Variants in HS6ST3 observed in about 807,000 individuals in gnomAD.
The protein encoded by HS6ST3 is heparan-sulfate 6-O-sulfotransferase 3.
Under a neutral mutation model 36.7 loss-of-function variants are expected in HS6ST3, and 12 were observed. The observed-to-expected ratio is 0.33, with a 90% CI of 0.21 to 0.53. The LOEUF is 0.53. Ranked by LOEUF, HS6ST3 falls within the 20% of genes least tolerant of loss-of-function variation. The pLI, the probability that HS6ST3 is intolerant of heterozygous loss-of-function variation, is 0.95. For missense variants in HS6ST3, 584 were observed against 640.9 expected (o/e 0.91, Z 0.96); for synonymous variants, 240 against 257.5 (o/e 0.93, Z 0.65).
At chr13:96,235,667 C>T (rs1246052192) in intron 1 of HS6ST3, among the ~76,000 whole-genome samples, 1 of 151,964 alleles carries the variant, frequency 6.6e-6, no homozygotes, top group South Asian at 2.1e-4. Context: ...ATTCAAAAAC[C>T]CCTGAACAGA....
intron 1 of HS6ST3, among the ~76,000 whole-genome samples, chr13:96,346,312 T>C (rs180912019): frequency 3.2e-3 from 480 of 152,282 alleles, no homozygotes; most frequent in Non-Finnish European, 3.4e-3. Flanking sequence ...CGGTGGCTCA[T>C]GCCTGTAATC....
intron 1 of HS6ST3, among the ~76,000 whole-genome samples, chr13:96,176,372 TA>T (rs2054212696): frequency 6.6e-6 from 1 of 152,142 alleles, no homozygotes; most frequent in African/African-American, 2.4e-5. Flanking sequence ...GTATTCTAGA[TA>T]ATAAATGGAG....
At chr13:96,749,030 C>T (rs1056516692) in intron 1 of HS6ST3, among the ~76,000 whole-genome samples, 1 of 152,098 alleles carries the variant, frequency 6.6e-6, no homozygotes, top group Non-Finnish European at 1.5e-5. Flanking sequence ...TGCCGTCCTT[C>T]CATTTTTTCT....
intron 1 of HS6ST3, among the ~76,000 whole-genome samples, chr13:96,203,477 G>A (rs1239326678): frequency 6.6e-6 from 1 of 152,152 alleles, no homozygotes; most frequent in African/African-American, 2.4e-5. Flanking sequence ...TTCAACATAT[G>A]GATTCTGGGG....
chr13:96,599,783 C>T (rs1238775377), intron 1 of HS6ST3, among the ~76,000 whole-genome samples: 1 of 151,950 alleles, frequency 6.6e-6, no homozygotes, highest in Non-Finnish European at 1.5e-5. Context: ...ATAAACTTTC[C>T]TCTTAATACT....
chr13:96,690,309 T>A (rs1874919481), intron 1 of HS6ST3, among the ~76,000 whole-genome samples: 1 of 152,136 alleles, frequency 6.6e-6, no homozygotes, highest in Admixed American at 6.6e-5. Flanking sequence ...TTATAATTTA[T>A]ATGCAGACAT....
At chr13:96,797,531 T>G (rs1877943280) in intron 1 of HS6ST3, among the ~76,000 whole-genome samples, 1 of 152,102 alleles carries the variant, frequency 6.6e-6, no homozygotes, top group Non-Finnish European at 1.5e-5. Flanking sequence ...ATAGTGGTCT[T>G]GGAGCTCTGA....
chr13:96,524,462 C>G (rs1034501327), intron 1 of HS6ST3, among the ~76,000 whole-genome samples: 1 of 152,202 alleles, frequency 6.6e-6, no homozygotes, highest in African/African-American at 2.4e-5. Flanking sequence ...TACCCTGCCC[C>G]CAGAGGTGGA....
chr13:96,231,068 A>G (rs138247925), intron 1 of HS6ST3, among the ~76,000 whole-genome samples: 23 of 152,196 alleles, frequency 1.5e-4, no homozygotes, highest in African/African-American at 5.5e-4. Flanking sequence ...ATGAAGGGTA[A>G]TGTGGAAGTG....
At chr13:96,373,253 C>T (rs1048092630) in intron 1 of HS6ST3, among the ~76,000 whole-genome samples, 24 of 152,262 alleles carry the variant, frequency 1.6e-4, no homozygotes, top group Middle Eastern at 3.4e-3. Context: ...AATAAGGTCA[C>T]AGTCACATAT....
chr13:96,120,825 T>C (rs1186527141), intron 1 of HS6ST3, among the ~76,000 whole-genome samples: 1 of 152,182 alleles, frequency 6.6e-6, no homozygotes, highest in African/African-American at 2.4e-5. Context: ...ACAAATCAGT[T>C]AAAATGTATA....
chr13:96,620,551 G>A (rs771431050), intron 1 of HS6ST3, among the ~76,000 whole-genome samples: 4 of 152,180 alleles, frequency 2.6e-5, no homozygotes, highest in Non-Finnish European at 5.9e-5. Context: ...ATCTGAAGAA[G>A]CCAAGAGGAC....
intron 1 of HS6ST3, among the ~76,000 whole-genome samples, chr13:96,448,578 C>T (rs1164597): frequency 0.37 from 55,842 of 151,898 alleles, 12,859 homozygotes; most frequent in African/African-American, 0.64. Flanking sequence ...TGGTGATATC[C>T]GCCCTAAGCC....
chr13:96,809,551 C>T lies in HS6ST3; in HGVS notation c.708-22939C>T, dbSNP rs1878270300. On this transcript the variant is annotated intron_variant, in intron 1 of 1. Coordinates refer to ENST00000376705, the MANE Select transcript of HS6ST3 (RefSeq NM_153456.4). Reference sequence around the variant, plus strand: ...ATTCAGCAAGGCTGGTGGAAGAGGGCCAGGAGCTTTCACATGAAGAAGTAG... The same window carrying T: ...ATTCAGCAAGGCTGGTGGAAGAGGGTCAGGAGCTTTCACATGAAGAAGTAG... Among the ~76,000 whole-genome samples the T allele has an allele frequency of 2.0e-5, 3 of 152,246 alleles. No individual in the cohort carries two copies. In the South Asian group the frequency reaches 6.2e-4, roughly 32 times the overall value.
intron 1 of HS6ST3, among the ~76,000 whole-genome samples, chr13:96,102,253 T>G (rs1646405461): frequency 6.6e-6 from 1 of 151,974 alleles, no homozygotes; most frequent in African/African-American, 2.4e-5. Context: ...GTCTAAAAAC[T>G]TCTCACAACA....
rs1877221080 is a variant in HS6ST3 at position 96,769,920 on chromosome 13, A to AT, written c.708-62568dup. Among the ~76,000 whole-genome samples the AT allele has an allele frequency of 3.3e-5, 5 of 152,310 alleles. No individual in the cohort carries two copies. The South Asian group carries it at 1.0e-3, about 32-fold the overall frequency. On this transcript the variant is annotated intron_variant, in intron 1 of 1. Transcript: ENST00000376705. ...ATAATCTAGTTATTTGGGAATAGTTATTCAGAATGAATTGCTCCTTAATGC... is the reference window on the plus strand; with the variant it reads ...ATAATCTAGTTATTTGGGAATAGTTATTTCAGAATGAATTGCTCCTTAATGC...
In HS6ST3 at chr13:96,090,995, G is replaced by A. The variant is rs146203986; in HGVS notation, c.133G>A (p.Glu45Lys). The A allele has an allele frequency of 1.1e-3, 1,402 of 1,320,656 alleles. 1 individual carries two copies. Among genetic ancestry groups the A allele is most frequent in the Non-Finnish European group, 1.2e-3 (1,266 of 1,028,682 alleles). The allele number at this position is 1,320,656 out of a possible 1,614,324, so 81.8% of individuals were successfully genotyped here. ...CTTCGGGGAGCAGCCCCGCGCGGGG[G>A]AGGCCGGCCCGCCCGCCGTCCCGGG... is the stretch of plus-strand genomic sequence containing the variant. Reference protein sequence around the residue: ...TNFGEQPRAGEAGPPAVPGPA... With the variant: ...TNFGEQPRAGKAGPPAVPGPA... The change falls in exon 1 of 2, where the codon GAG (glutamate) becomes AAG (lysine). Residue 45 changes from glutamate (E) to lysine (K), a missense_variant. By Grantham distance (56) the Glu-to-Lys change is moderately conservative (BLOSUM62 1). This residue lies in a region of HS6ST3 where 217 missense variants were observed against 205.4 expected (regional missense o/e 1.06). Transcript: ENST00000376705.
At chr13:96,582,990 T>C (rs1045048456) in intron 1 of HS6ST3, among the ~76,000 whole-genome samples, 1 of 152,064 alleles carries the variant, frequency 6.6e-6, no homozygotes. Flanking sequence ...ACTAGGATTC[T>C]ATGTTTTATC....
chr13:96,396,275 C>G (rs1245624513), intron 1 of HS6ST3, among the ~76,000 whole-genome samples: 1 of 152,056 alleles, frequency 6.6e-6, no homozygotes, highest in Non-Finnish European at 1.5e-5. Context: ...GATCACACCA[C>G]TACACTCTAG....
Sources: gnomAD v4.1 joint callset for allele counts (sites outside exome capture counted in the v4.1 genomes callset) on GRCh38, gnomAD v4.1.1 for gene constraint, gnomAD v4.1.1 regional missense constraint, MANE v1.5 for transcripts, NCBI Gene and HGNC (gene_info 2026-07-23, HGNC 2026-07-21) for gene names.